GRID2: variants seen among roughly 807,000 people sequenced by gnomAD.
GRID2 encodes glutamate ionotropic receptor delta type subunit 2.
In GRID2, 33 loss-of-function variants were observed where a neutral mutation model predicts 114.8. That is an observed-to-expected ratio of 0.29 (90% CI 0.22 to 0.38). GRID2 has a LOEUF of 0.38. Ranked by LOEUF, GRID2 falls within the 10% of genes least tolerant of loss-of-function variation. The pLI is 1.00. For missense variants in GRID2, 1,184 were observed against 1,257.7 expected, an observed-to-expected ratio of 0.94 and a Z score of 0.89; for synonymous variants, 505 against 449.9, an observed-to-expected ratio of 1.12 and a Z score of -1.55.
chr4:93,473,332 C>T (rs1213475148), intron 11 of GRID2, among the ~76,000 whole-genome samples: 1 of 152,152 alleles, frequency 6.6e-6, no homozygotes, highest in Non-Finnish European at 1.5e-5. Context: ...TTGATACTTT[C>T]AGCTTAACAT....
chr4:92,812,217 T>C (rs551160544), intron 2 of GRID2, among the ~76,000 whole-genome samples: 1 of 152,266 alleles, frequency 6.6e-6, no homozygotes, highest in East Asian at 1.9e-4. Context: ...GGTAAGTGGA[T>C]GTTTATTATC....
At chr4:92,841,908 A>G (rs1245965325) in intron 2 of GRID2, among the ~76,000 whole-genome samples, 1 of 152,042 alleles carries the variant, frequency 6.6e-6, no homozygotes, top group African/African-American at 2.4e-5. Context: ...TATACCAGCT[A>G]AGGACTGTGA....
intron 13 of GRID2, among the ~76,000 whole-genome samples, chr4:93,603,156 G>C (rs113297686): frequency 0.012 from 1,817 of 152,220 alleles, 37 homozygotes; most frequent in African/African-American, 0.042. Flanking sequence ...GTTGCAGTTA[G>C]CCAAGATTGT....
chr4:92,505,283 C>T (rs565464902), intron 1 of GRID2, among the ~76,000 whole-genome samples: 3 of 151,978 alleles, frequency 2.0e-5, no homozygotes, highest in Admixed American at 6.6e-5. Flanking sequence ...CTGTCCATAA[C>T]TTTTTATTTT....
chr4:92,625,118 T>G (rs1244348097), intron 2 of GRID2, among the ~76,000 whole-genome samples: 1 of 151,794 alleles, frequency 6.6e-6, no homozygotes, highest in Non-Finnish European at 1.5e-5. Context: ...GAGAGAAATA[T>G]TCAGTATTTT....
intron 8 of GRID2, among the ~76,000 whole-genome samples, chr4:93,387,547 A>G (rs1243808454): frequency 6.6e-6 from 1 of 152,160 alleles, no homozygotes; most frequent in Non-Finnish European, 1.5e-5. Context: ...AATGATGTAC[A>G]GGCCAGGCGC....
chr4:93,729,530 A>G (rs1318568559), intron 14 of GRID2, among the ~76,000 whole-genome samples: 1 of 151,556 alleles, frequency 6.6e-6, no homozygotes, highest in Non-Finnish European at 1.5e-5. Context: ...CCACTTCCTC[A>G]GATAATACAG....
intron 2 of GRID2, among the ~76,000 whole-genome samples, chr4:92,804,272 T>C (rs1740309249): frequency 6.6e-6 from 1 of 152,020 alleles, no homozygotes; most frequent in Admixed American, 6.6e-5. Context: ...TGGAAAAATA[T>C]TCTATTTAAT....
chr4:93,020,735 T>G (rs917349052), intron 2 of GRID2, among the ~76,000 whole-genome samples: 1 of 152,130 alleles, frequency 6.6e-6, no homozygotes, highest in African/African-American at 2.4e-5. Flanking sequence ...TTGTGTTTCT[T>G]TAAAAGAAAT....
At chr4:93,178,577 A>T (rs1283395656) in intron 4 of GRID2, among the ~76,000 whole-genome samples, 3 of 151,138 alleles carry the variant, frequency 2.0e-5, no homozygotes, top group African/African-American at 7.3e-5. Flanking sequence ...CTGCAGAGAG[A>T]GGATCTCTCT....
intron 1 of GRID2, among the ~76,000 whole-genome samples, chr4:93,790,825 C>T (rs980552035): frequency 2.6e-5 from 4 of 152,152 alleles, no homozygotes; most frequent in African/African-American, 7.2e-5. Flanking sequence ...GTCAGCTGTG[C>T]TACCCTAGGC....
intron 2 of GRID2, among the ~76,000 whole-genome samples, chr4:92,899,115 T>C (rs964144625): frequency 1.3e-5 from 2 of 152,092 alleles, no homozygotes; most frequent in African/African-American, 4.8e-5. Context: ...TTGAAAAGAA[T>C]AAAATTTTGA....
chr4:93,633,699 GA>G lies in GRID2; in HGVS notation c.2360+7272del, dbSNP rs555876689. On this transcript the variant is annotated intron_variant, in intron 14 of 15. Coordinates refer to ENST00000282020, the MANE Select transcript of GRID2 (RefSeq NM_001510.4). ...TTCATCCAACCAATAAAAAAGCTAA[GA>G]AAAAAAATCTAAGAAGAAAAAGAAA... Among the ~76,000 whole-genome samples the G allele has an allele frequency of 3.1e-3, 470 of 151,650 alleles. 2 individuals carry two copies. Among genetic ancestry groups the G allele is most frequent in the African/African-American group, 0.01 (434 of 41,370 alleles).
intron 8 of GRID2, among the ~76,000 whole-genome samples, chr4:93,335,474 A>G (rs773231366): frequency 1.2e-4 from 18 of 152,166 alleles, no homozygotes; most frequent in Non-Finnish European, 1.9e-4. Context: ...TACAGATCCT[A>G]ACAACATGTT....
intron 2 of GRID2, among the ~76,000 whole-genome samples, chr4:92,830,073 T>A: frequency 6.6e-6 from 1 of 150,940 alleles, no homozygotes; most frequent in South Asian, 2.1e-4. Context: ...ATTCTACATA[T>A]GTATTCCAGC....
rs1344980717 is a variant in GRID2 at position 92,939,559 on chromosome 4, C to G, written c.245-145436C>G. 1.4e-5 allele frequency among the ~76,000 whole-genome samples: 2 copies of G among 147,346 alleles called. 1 individual carries two copies. The highest frequency in any genetic ancestry group is 1.5e-4 in the Admixed American group (2 of 13,698). On this transcript the variant is annotated intron_variant, in intron 2 of 15. Coordinates refer to ENST00000282020, the MANE Select transcript of GRID2 (RefSeq NM_001510.4). ...TAGTTTCTGTTGCTGTGCAGAAGCT[C>G]TTTAGTTTAATGAGATCCCATTTGT...
At chr4:93,606,245 C>T (rs767703526) in intron 13 of GRID2, among the ~76,000 whole-genome samples, 48 of 151,092 alleles carry the variant, frequency 3.2e-4, no homozygotes, top group Middle Eastern at 3.4e-3. Flanking sequence ...CCAACCTGGG[C>T]GACAAAGAGA....
At chr4:92,933,905 C>G (rs540542617) in intron 2 of GRID2, among the ~76,000 whole-genome samples, 1 of 151,638 alleles carries the variant, frequency 6.6e-6, no homozygotes, top group South Asian at 2.1e-4. Flanking sequence ...GGAGGAATAT[C>G]TGAAAGTAGA....
intron 2 of GRID2, among the ~76,000 whole-genome samples, chr4:92,980,406 A>T (rs1754119324): frequency 6.6e-6 from 1 of 152,108 alleles, no homozygotes; most frequent in Non-Finnish European, 1.5e-5. Flanking sequence ...TATATCATAT[A>T]GATCACATTT....
Sources: allele counts gnomAD v4.1 joint callset (sites outside exome capture counted in the v4.1 genomes callset), GRCh38; gene constraint gnomAD v4.1.1; transcripts MANE v1.5; gene names NCBI Gene and HGNC (gene_info 2026-07-23, HGNC 2026-07-21).